Variants in POU6F2 observed in about 807,000 individuals in gnomAD.
POU6F2 encodes POU class 6 homeobox 2, also known as POU domain, class 6, transcription factor 2.
POU6F2 carries 31 observed loss-of-function variants against 71.3 expected under a neutral mutation model. That is an observed-to-expected ratio of 0.43 (90% CI 0.33 to 0.59). The LOEUF (loss-of-function observed/expected upper bound fraction) is 0.59. POU6F2 is among the 20% of genes least tolerant of loss of function. POU6F2 has a pLI of 0.04. For missense variants in POU6F2, 783 were observed against 856.8 expected (o/e 0.91, Z 1.07); for synonymous variants, 347 against 355.7 (o/e 0.98, Z 0.27).
intron 1 of POU6F2, among the ~76,000 whole-genome samples, chr7:39,029,416 G>T (rs1198332193): frequency 6.6e-6 from 1 of 151,906 alleles, no homozygotes; most frequent in Non-Finnish European, 1.5e-5. Flanking sequence ...TAGTGATAGT[G>T]AGGTTAAGCA....
In POU6F2 at chr7:39,460,608, C is replaced by T. The variant is rs1487514832; in HGVS notation, c.1551C>T (p.Ala517=). 1 of 1,612,730 alleles carries T rather than the reference C, an allele frequency of 6.2e-7. No individual in the cohort carries two copies. The highest frequency in any genetic ancestry group is 8.5e-7 in the Non-Finnish European group (1 of 1,179,476). The change falls in exon 9 of 10, where the codon GCC becomes GCT. Residue 517 remains alanine (A), a synonymous_variant. Coordinates refer to ENST00000518318, the MANE Select transcript of POU6F2 (RefSeq NM_001370959.1). The surrounding 1 kb of genome is among the most constrained non-coding windows in gnomAD (Gnocchi z 4.4). ...GVNLEEIREF[A]KAFKIRRLSL... ...ATCTGGAGGAGATCCGAGAATTTGC[C>T]AAAGCTTTTAAAATCCGGCGCCTGT...
Position 39,278,214 on chromosome 7 carries a change from G to A in POU6F2, c.599-61428G>A, listed in dbSNP as rs571774575. ...AACTCTGAGGAAAAGCAGAGAAGGCGTTTCGGAAAAGCTCCTGAGATAGGA... is the reference window on the plus strand; with the variant it reads ...AACTCTGAGGAAAAGCAGAGAAGGCATTTCGGAAAAGCTCCTGAGATAGGA... On this transcript the variant is annotated intron_variant, in intron 4 of 9. Transcript: ENST00000518318. Among the ~76,000 whole-genome samples, 69 of 152,154 alleles carry A rather than the reference G, an allele frequency of 4.5e-4. No homozygotes were observed. The South Asian group carries it at 7.1e-3, about 16-fold the overall frequency.
At chr7:39,455,215 A>T (rs1788772248) in intron 8 of POU6F2, among the ~76,000 whole-genome samples, 1 of 152,146 alleles carries the variant, frequency 6.6e-6, no homozygotes, top group Admixed American at 6.5e-5. Flanking sequence ...TAGGGTTTTG[A>T]TCACTTGCTG....
At chr7:39,120,053 C>A (rs1310737993) in intron 2 of POU6F2, among the ~76,000 whole-genome samples, 1 of 152,222 alleles carries the variant, frequency 6.6e-6, no homozygotes, top group African/African-American at 2.4e-5. Context: ...CAGCACTTGT[C>A]TGTAAGAGTT....
chr7:39,230,466 A>C (rs1045355743), intron 4 of POU6F2, among the ~76,000 whole-genome samples: 1 of 151,972 alleles, frequency 6.6e-6, no homozygotes, highest in Non-Finnish European at 1.5e-5. Flanking sequence ...CCTGGGTGAC[A>C]GCATAAGACC....
intron 4 of POU6F2, among the ~76,000 whole-genome samples, chr7:39,298,415 A>G (rs1389062768): frequency 6.6e-6 from 1 of 152,388 alleles, no homozygotes; most frequent in South Asian, 2.1e-4. Flanking sequence ...AAAAAAGCTC[A>G]ACATCACTGA....
chr7:39,334,356 G>A (rs993833842), intron 4 of POU6F2, among the ~76,000 whole-genome samples: 1 of 152,058 alleles, frequency 6.6e-6, no homozygotes, highest in Non-Finnish European at 1.5e-5. Flanking sequence ...AAAACAGGGA[G>A]GATTGGAGGC....
intron 1 of POU6F2, among the ~76,000 whole-genome samples, chr7:39,011,568 G>T (rs1235466261): frequency 6.9e-6 from 1 of 144,350 alleles, no homozygotes; most frequent in Non-Finnish European, 1.5e-5. Flanking sequence ...CTGTCATTAT[G>T]ATGTTAGCTG....
rs1291480508 is a variant in POU6F2 at position 39,460,074 on chromosome 7, G to A, written c.1490-473G>A. Among the ~76,000 whole-genome samples the A allele has an allele frequency of 2.0e-5, 3 of 152,170 alleles. No homozygotes were observed. The highest frequency in any genetic ancestry group is 3.2e-3 in the Middle Eastern group (1 of 316). ...TAGCTGTTAGCCTGACTGCTTTGGC[G>A]ATCAGTTGAAGGAAAAATACAAAAT... On this transcript the variant is annotated intron_variant, in intron 8 of 9. Transcript: ENST00000518318. The surrounding 1 kb of genome is among the most constrained non-coding windows in gnomAD (Gnocchi z 4.4).
chr7:39,141,206 A>G (rs999505920), intron 2 of POU6F2, among the ~76,000 whole-genome samples: 1 of 152,218 alleles, frequency 6.6e-6, no homozygotes, highest in Non-Finnish European at 1.5e-5. Flanking sequence ...AAAAGCTCTC[A>G]TTATTGATAA....
At chr7:39,277,049 T>C (rs1261784455) in intron 4 of POU6F2, among the ~76,000 whole-genome samples, 2 of 152,132 alleles carry the variant, frequency 1.3e-5, no homozygotes, top group Admixed American at 6.5e-5. Flanking sequence ...ACTTAAAGTC[T>C]AATAATAATT....
intron 1 of POU6F2, chr7:39,005,157 C>T (rs1349121938): frequency 6.6e-6 from 1 of 152,288 alleles, no homozygotes; most frequent in Non-Finnish European, 1.5e-5. Context: ...GGGCTGCAAA[C>T]CTTTCCTCAC....
At chr7:39,068,778 A>G (rs550093202) in intron 1 of POU6F2, among the ~76,000 whole-genome samples, 2 of 152,278 alleles carry the variant, frequency 1.3e-5, no homozygotes, top group South Asian at 4.1e-4. Flanking sequence ...TTCTTTGGAA[A>G]TGCTGGGAAA....
chr7:39,252,353 C>T (rs539214842), intron 4 of POU6F2, among the ~76,000 whole-genome samples: 1 of 151,224 alleles, frequency 6.6e-6, no homozygotes. Context: ...TTTGCAGCCT[C>T]TCCAGAGTCA....
At chr7:39,052,158 A>C (rs1790412195) in intron 1 of POU6F2, among the ~76,000 whole-genome samples, 1 of 152,132 alleles carries the variant, frequency 6.6e-6, no homozygotes, top group Non-Finnish European at 1.5e-5. Context: ...TTCCAGTGTG[A>C]CAGGAGCCAT....
intron 8 of POU6F2, among the ~76,000 whole-genome samples, chr7:39,456,517 C>G (rs918141425): frequency 4.6e-5 from 7 of 152,180 alleles, no homozygotes; most frequent in African/African-American, 1.4e-4. Context: ...TTCAAAACAT[C>G]TTACAGACAG....
chr7:39,259,827 G>A (rs1439766876), intron 4 of POU6F2, among the ~76,000 whole-genome samples: 1 of 152,048 alleles, frequency 6.6e-6, no homozygotes, highest in African/African-American at 2.4e-5. Context: ...CCAGCTCTCA[G>A]CTTTCCTAGG....
intron 4 of POU6F2, among the ~76,000 whole-genome samples, chr7:39,266,831 T>C (rs1233258008): frequency 6.6e-6 from 1 of 152,054 alleles, no homozygotes; most frequent in Non-Finnish European, 1.5e-5. Context: ...CATGCATTTA[T>C]CATTTCTTTG....
intron 4 of POU6F2, among the ~76,000 whole-genome samples, chr7:39,324,540 C>A (rs1021460717): frequency 6.6e-6 from 1 of 152,236 alleles, no homozygotes; most frequent in African/African-American, 2.4e-5. Context: ...AAGAAGTAAA[C>A]TGTACTGGGA....
Sources: gnomAD v4.1 joint callset for allele counts (sites outside exome capture counted in the v4.1 genomes callset) on GRCh38, gnomAD v4.1.1 for gene constraint, Gnocchi (gnomAD v3.1) non-coding constraint, MANE v1.5 for transcripts, NCBI Gene and HGNC (gene_info 2026-07-23, HGNC 2026-07-21) for gene names.